Variants in ADARB2 observed in about 807,000 individuals in gnomAD.
ADARB2 encodes the protein inactive double-stranded RNA-specific editase B2.
In ADARB2, 25 loss-of-function variants were observed where a neutral mutation model predicts 62.2. That is an observed-to-expected ratio of 0.40 (90% CI 0.29 to 0.56). The LOEUF (loss-of-function observed/expected upper bound fraction) is 0.56. Ranked by LOEUF, ADARB2 falls within the 20% of genes least tolerant of loss-of-function variation. ADARB2 has a pLI of 0.43. For synonymous variants in ADARB2, 572 were observed against 500.8 expected, an observed-to-expected ratio of 1.14 and a Z score of -1.90; for missense variants, 1,071 against 1,077.4, an observed-to-expected ratio of 0.99 and a Z score of 0.08.
intron 1 of ADARB2, among the ~76,000 whole-genome samples, chr10:1,611,383 T>C (rs941384212): frequency 2.0e-5 from 3 of 152,252 alleles, no homozygotes; most frequent in African/African-American, 4.8e-5. Context: ...AGTGGCAGTA[T>C]ATCTGATCCA....
chr10:1,205,150 C>T (rs903202889), intron 7 of ADARB2, among the ~76,000 whole-genome samples: 11 of 152,184 alleles, frequency 7.2e-5, no homozygotes, highest in South Asian at 4.1e-4. Context: ...AGCTGATCTG[C>T]CAGGAAAGGG....
chr10:1,363,509 T>G lies in ADARB2; in HGVS notation c.596A>C (p.His199Pro). ...FVQFPNACQA[H>P]LAMGGGPGPG... The stretch of plus-strand genomic sequence containing the variant: ...GCCCGGGCCCCCGCCCATGGCCAGG[T>G]GCGCCTGGCAGGCGTTGGGGAACTG... Residue 199 changes from histidine to proline, a missense_variant, in exon 3 of 10, where the codon CAC becomes CCC. Coordinates refer to ENST00000381312, the MANE Select transcript of ADARB2 (RefSeq NM_018702.4). 3 of 1,529,498 alleles carry G rather than the reference T, an allele frequency of 2.0e-6. No homozygotes were observed. The highest frequency in any genetic ancestry group is 2.6e-6 in the Non-Finnish European group (3 of 1,142,628). The allele number at this position is 1,529,498 out of a possible 1,614,324, so 94.7% of individuals were successfully genotyped here.
intron 3 of ADARB2, among the ~76,000 whole-genome samples, chr10:1,346,850 C>T (rs1293867163): frequency 6.6e-6 from 1 of 152,226 alleles, no homozygotes; most frequent in East Asian, 1.9e-4. Flanking sequence ...GAAAATACTA[C>T]AGGAGTGAGA....
intron 1 of ADARB2, among the ~76,000 whole-genome samples, chr10:1,609,477 C>A (rs1179018793): frequency 6.6e-6 from 1 of 152,238 alleles, no homozygotes; most frequent in Non-Finnish European, 1.5e-5. Flanking sequence ...AGCCTCCTGG[C>A]CCGAGGACCC....
At chr10:1,708,107 G>A (rs892440368) in intron 1 of ADARB2, among the ~76,000 whole-genome samples, 1 of 152,224 alleles carries the variant, frequency 6.6e-6, no homozygotes, top group Non-Finnish European at 1.5e-5. Context: ...CCGCAGCTCT[G>A]TCTGGGGCTC....
chr10:1,400,136 G>C (rs1832649439), intron 1 of ADARB2, among the ~76,000 whole-genome samples: 1 of 152,248 alleles, frequency 6.6e-6, no homozygotes, highest in African/African-American at 2.4e-5. Flanking sequence ...CGTGGGCAGA[G>C]AGGGGACAGG....
chr10:1,569,056 GAGAA>G (rs1011061104), intron 1 of ADARB2, among the ~76,000 whole-genome samples: 4 of 151,840 alleles, frequency 2.6e-5, no homozygotes, highest in African/African-American at 9.7e-5. Context: ...GAGAGACAGA[GAGAA>G]AGAGAGACAG....
intron 1 of ADARB2, among the ~76,000 whole-genome samples, chr10:1,446,905 C>A (rs1199398628): frequency 6.6e-6 from 1 of 152,134 alleles, no homozygotes. Context: ...GGGTTTCGAC[C>A]TACGCAATTG....
intron 1 of ADARB2, among the ~76,000 whole-genome samples, chr10:1,453,105 T>C (rs1831059227): frequency 6.6e-6 from 1 of 152,138 alleles, no homozygotes; most frequent in African/African-American, 2.4e-5. Context: ...TAATTCCACA[T>C]CCTCTCTTCC....
intron 1 of ADARB2, among the ~76,000 whole-genome samples, chr10:1,690,307 C>T (rs1002717595): frequency 5.3e-5 from 8 of 152,106 alleles, no homozygotes; most frequent in African/African-American, 1.2e-4. Flanking sequence ...GTGAACAAGC[C>T]GTTTTGGATG....
At chr10:1,735,145 A>G (rs1052850815) in intron 1 of ADARB2, among the ~76,000 whole-genome samples, 7 of 152,212 alleles carry the variant, frequency 4.6e-5, no homozygotes, top group Non-Finnish European at 1.0e-4. Context: ...TCTCTTCGTA[A>G]CAGAAATCAG....
chr10:1,265,476 G>A (rs1405751188), intron 4 of ADARB2, among the ~76,000 whole-genome samples: 1 of 152,246 alleles, frequency 6.6e-6, no homozygotes, highest in Non-Finnish European at 1.5e-5. Flanking sequence ...AGGGAACAAC[G>A]CTGAACTACT....
At chr10:1,316,558 T>A (rs1160506349) in intron 3 of ADARB2, among the ~76,000 whole-genome samples, 1 of 152,224 alleles carries the variant, frequency 6.6e-6, no homozygotes, top group East Asian at 1.9e-4. Flanking sequence ...GTTTTCCTCC[T>A]ACCCGGAATA....
chr10:1,665,343 G>A (rs374443919), intron 1 of ADARB2, among the ~76,000 whole-genome samples: 2 of 152,262 alleles, frequency 1.3e-5, no homozygotes, highest in East Asian at 3.9e-4. Context: ...GACACTGAGC[G>A]TGGCTGGGGG....
rs570098440 is a variant in ADARB2 at position 1,603,221 on chromosome 10, G to A, written c.100+133830C>T. Among the ~76,000 whole-genome samples, 7 of 152,310 alleles carry A rather than the reference G, an allele frequency of 4.6e-5. No individual in the cohort carries two copies. The East Asian group carries it at 7.7e-4, about 17-fold the overall frequency. The stretch of plus-strand genomic sequence containing the variant: ...TGTGGCCGGGGTGGAGCTGGGATGA[G>A]GAAGATGGATTCTTCGGACAATTGG... On this transcript the variant is annotated intron_variant, in intron 1 of 9. Coordinates refer to ENST00000381312, the MANE Select transcript of ADARB2 (RefSeq NM_018702.4).
intron 1 of ADARB2, among the ~76,000 whole-genome samples, chr10:1,512,293 A>T (rs1018644551): frequency 2.0e-5 from 3 of 152,182 alleles, no homozygotes; most frequent in African/African-American, 7.2e-5. Flanking sequence ...TAAGATGTCA[A>T]TGCTGTCTAC....
At chr10:1,217,892 C>G (rs1343895388) in intron 6 of ADARB2, among the ~76,000 whole-genome samples, 1 of 152,140 alleles carries the variant, frequency 6.6e-6, no homozygotes, top group African/African-American at 2.4e-5. Flanking sequence ...TCTGGTGGGT[C>G]TCTGTGGGTC....
chr10:1,507,167 C>T (rs1831862895), intron 1 of ADARB2, among the ~76,000 whole-genome samples: 1 of 152,204 alleles, frequency 6.6e-6, no homozygotes, highest in African/African-American at 2.4e-5. Context: ...AGTGACTTCC[C>T]TATAGGAGGG....
Position 1,737,351 on chromosome 10 carries a change from G to A in ADARB2, c.-201C>T. On this transcript the variant is annotated 5_prime_UTR_variant, in exon 1 of 10. Transcript: ENST00000381312. ...CTCTATGACTTGCTCCCACTGGGCT[G>A]GGGGCCTCGGCTGGGCGCCTGGAGC... 1 of 569,598 alleles carries A rather than the reference G, an allele frequency of 1.8e-6. No homozygotes were observed. Among genetic ancestry groups the A allele is most frequent in the Non-Finnish European group, 3.1e-6 (1 of 324,894 alleles). The allele number at this position is 569,598 out of a possible 1,614,324, so 35.3% of individuals were successfully genotyped here.
Sources: allele counts gnomAD v4.1 joint callset (sites outside exome capture counted in the v4.1 genomes callset), GRCh38; gene constraint gnomAD v4.1.1; transcripts MANE v1.5; gene names NCBI Gene and HGNC (gene_info 2026-07-23, HGNC 2026-07-21).